Variants in PAMR1 observed in about 807,000 individuals in gnomAD.
PAMR1 encodes inactive serine protease PAMR1.
PAMR1 carries 88 observed loss-of-function variants against 81.8 expected under a neutral mutation model. That is an observed-to-expected ratio of 1.08 (90% CI 0.91 to 1.28). The LOEUF (loss-of-function observed/expected upper bound fraction) is 1.28, where lower values mean the gene tolerates loss of function less well. PAMR1 is among the 50% of genes most tolerant of loss of function. The pLI is 0.00. For synonymous variants in PAMR1, 336 were observed against 345.3 expected, an observed-to-expected ratio of 0.97 and a Z score of 0.30; for missense variants, 935 against 919.7, an observed-to-expected ratio of 1.02 and a Z score of -0.21.
chr11:35,439,200 C>G (rs928214459), intron 8 of PAMR1, among the ~76,000 whole-genome samples: 4 of 152,178 alleles, frequency 2.6e-5, no homozygotes, highest in African/African-American at 9.7e-5. Flanking sequence ...TTCTTGGGCT[C>G]CCCCAGCCTG....
intron 9 of PAMR1, among the ~76,000 whole-genome samples, chr11:35,435,256 GGGGAAGGCAGC>G (rs1399237084): frequency 1.3e-5 from 2 of 152,164 alleles, no homozygotes; most frequent in Non-Finnish European, 2.9e-5. Context: ...CAAAGAGGAT[GGGGAAGGCAGC>G]TTAGTAAATG....
chr11:35,521,729 C>A, intron 1 of PAMR1, among the ~76,000 whole-genome samples: 1 of 152,304 alleles, frequency 6.6e-6, no homozygotes, highest in Non-Finnish European at 1.5e-5. Context: ...TGTCCATCAG[C>A]ATAATCAGTC....
At chr11:35,437,655 C>G (rs1856080599) in intron 8 of PAMR1, among the ~76,000 whole-genome samples, 1 of 152,250 alleles carries the variant, frequency 6.6e-6, no homozygotes, top group Admixed American at 6.5e-5. Context: ...ATACTTAAAA[C>G]CAAGTTTCAG....
At chr11:35,496,637 A>G (rs1241412899) in intron 1 of PAMR1, among the ~76,000 whole-genome samples, 1 of 152,242 alleles carries the variant, frequency 6.6e-6, no homozygotes, top group Non-Finnish European at 1.5e-5. Flanking sequence ...GAAGTAGAGA[A>G]ATTGGAACCC....
chr11:35,470,630 C>T lies in PAMR1; in HGVS notation c.683G>A (p.Gly228Asp), dbSNP rs567383815. The T allele has an allele frequency of 6.2e-7, 1 of 1,614,122 alleles. No individual in the cohort carries two copies. The highest frequency in any genetic ancestry group is 1.1e-5 in the South Asian group (1 of 91,082). The change falls in exon 5 of 11, where the codon GGT (glycine) becomes GAT (aspartate). Residue 228 changes from glycine to aspartate, a missense_variant. Gly to Asp is a moderately conservative substitution (Grantham distance 94, BLOSUM62 -1). Coordinates refer to ENST00000619888, the MANE Select transcript of PAMR1 (RefSeq NM_001001991.3). ...FHSDGSKNFD[G>D]FHAIYEEITA... The stretch of plus-strand genomic sequence containing the variant: ...GATCTCCTCATAAATGGCATGGAAA[C>T]CGTCAAAATTCTTGGAGCCATCGGA...
intron 3 of PAMR1, among the ~76,000 whole-genome samples, chr11:35,477,366 C>T (rs767829915): frequency 7.9e-5 from 12 of 152,222 alleles, no homozygotes; most frequent in Non-Finnish European, 1.3e-4. Context: ...TTCATCTCCC[C>T]ATTTTCTAGA....
At chr11:35,479,012 A>G (rs1306741130) in intron 3 of PAMR1, among the ~76,000 whole-genome samples, 1 of 152,182 alleles carries the variant, frequency 6.6e-6, no homozygotes, top group African/African-American at 2.4e-5. Context: ...GGAAATCTTT[A>G]TTAATTTCTA....
intron 1 of PAMR1, among the ~76,000 whole-genome samples, chr11:35,517,598 CT>C (rs1464493996): frequency 3.3e-5 from 5 of 152,216 alleles, no homozygotes; most frequent in Non-Finnish European, 7.4e-5. Context: ...TTATAGCTTT[CT>C]TTACTGCAGG....
intron 6 of PAMR1, among the ~76,000 whole-genome samples, chr11:35,465,872 C>G (rs1856746522): frequency 6.6e-6 from 1 of 152,174 alleles, no homozygotes; most frequent in Admixed American, 6.5e-5. Context: ...TTCATAGTGA[C>G]ATATTTTACA....
intron 1 of PAMR1, among the ~76,000 whole-genome samples, chr11:35,507,208 C>T (rs1760316): frequency 0.11 from 16,223 of 151,886 alleles, 983 homozygotes; most frequent in African/African-American, 0.17. Context: ...CCACCAAGCC[C>T]GGCTAATTTT....
chr11:35,499,601 C>G (rs1331353731), intron 1 of PAMR1, among the ~76,000 whole-genome samples: 2 of 152,188 alleles, frequency 1.3e-5, no homozygotes, highest in Non-Finnish European at 2.9e-5. Context: ...CTCCCTTTTA[C>G]CCAGGAATTA....
At chr11:35,474,850 G>A in intron 3 of PAMR1, 106 bp from the exon 4 acceptor site, 1 of 675,970 alleles carries the variant, frequency 1.5e-6, no homozygotes, top group South Asian at 1.9e-5. Flanking sequence ...CCTGAGAACA[G>A]GATGAATAGG....
chr11:35,472,576 A>G (rs1308410197), intron 4 of PAMR1, among the ~76,000 whole-genome samples: 2 of 152,208 alleles, frequency 1.3e-5, no homozygotes. Flanking sequence ...ATAAAAAGTG[A>G]CTAAGGTGTT....
chr11:35,506,897 CT>C, intron 1 of PAMR1, among the ~76,000 whole-genome samples: 1 of 147,786 alleles, frequency 6.8e-6, no homozygotes, highest in African/African-American at 2.5e-5. Context: ...TTTGAATAAG[CT>C]TTCTACGCTT....
chr11:35,498,398 G>A (rs973690565), intron 1 of PAMR1, among the ~76,000 whole-genome samples: 1 of 152,148 alleles, frequency 6.6e-6, no homozygotes, highest in Non-Finnish European at 1.5e-5. Context: ...CCAGTAAAAT[G>A]AGTGTACATT....
Position 35,510,851 on chromosome 11 carries a change from A to T in PAMR1, c.73+14662T>A, listed in dbSNP as rs1516989. Among the ~76,000 whole-genome samples the T allele has an allele frequency of 7.5e-3, 1,150 of 152,336 alleles. 18 individuals carry two copies. Among genetic ancestry groups the T allele is most frequent in the African/African-American group, 0.026 (1,098 of 41,572 alleles). On this transcript the variant is annotated intron_variant, in intron 1 of 10. Transcript: ENST00000619888. ...CTCTTTAAAATCAGAATAAAAAAAT[A>T]TTAAGACAGTTGCAAAGTATTTTGG...
At chr11:35,528,482 A>T (rs1180362873), upstream of PAMR1, among the ~76,000 whole-genome samples, 1 of 152,192 alleles carries the variant, frequency 6.6e-6, no homozygotes, top group Non-Finnish European at 1.5e-5. Context: ...TGTTCTTTTT[A>T]AAAATGCAAT....
chr11:35,504,551 C>T (rs1469294701), intron 1 of PAMR1, among the ~76,000 whole-genome samples: 2 of 151,986 alleles, frequency 1.3e-5, no homozygotes, highest in Admixed American at 6.6e-5. Flanking sequence ...ACAGCTTCAA[C>T]CTTGTTACTC....
intron 3 of PAMR1, among the ~76,000 whole-genome samples, chr11:35,488,716 G>C (rs1227804069): frequency 1.6e-5 from 2 of 128,902 alleles, no homozygotes; most frequent in Non-Finnish European, 3.1e-5. Flanking sequence ...CTCTGCCCAG[G>C]CTAGAGTGGC....
Sources: gnomAD v4.1 joint callset for allele counts (sites outside exome capture counted in the v4.1 genomes callset) on GRCh38, gnomAD v4.1.1 for gene constraint, MANE v1.5 for transcripts, NCBI Gene and HGNC (gene_info 2026-07-23, HGNC 2026-07-21) for gene names.